Variants in CORO6 observed in about 807,000 individuals in gnomAD.
The protein encoded by CORO6 is coronin 6.
Under a neutral mutation model 49.0 loss-of-function variants are expected in CORO6, and 43 were observed. The ratio of observed to expected loss-of-function variants is 0.88; its 90% CI spans 0.69 to 1.13. The LOEUF is 1.13. CORO6 is among the 50% of genes most tolerant of loss of function. CORO6 has a pLI of 0.00. For synonymous variants in CORO6, 233 were observed against 256.5 expected, an observed-to-expected ratio of 0.91 and a Z score of 0.88; for missense variants, 650 against 647.0, an observed-to-expected ratio of 1.00 and a Z score of -0.05.
In CORO6 at chr17:29,615,567, C is replaced by T. The variant is rs2034816297; in HGVS notation, c.*165G>A. 9.5e-6 allele frequency: 7 copies of T among 737,658 alleles called. No individual in the cohort carries two copies. The highest frequency in any genetic ancestry group is 3.9e-4 in the Middle Eastern group (1 of 2,550). The allele number at this position is 737,658 out of a possible 1,614,324, so 45.7% of individuals were successfully genotyped here. On this transcript the variant is annotated 3_prime_UTR_variant, in exon 11 of 11. Coordinates refer to ENST00000388767, the MANE Select transcript of CORO6 (RefSeq NM_032854.4). ...GCCTCCGCTGGAGCGACGTGGGTCT[C>T]CCCTAAGCTCCAAGAGTTCTGGTCT...
rs372891094 is a variant in CORO6, at chr17:29,616,385, C to G, written c.1005-49G>C. On this transcript the variant is annotated intron_variant, in intron 8 of 10. Transcript: ENST00000388767. The surrounding 1 kb of genome is among the most constrained non-coding windows in gnomAD (Gnocchi z 5.6). ...CCCTCGCAGACTTCCACGTCCTTAA[C>G]TTCTCCTGTCTAAGACCAAGGGGGT... is the stretch of plus-strand genomic sequence containing the variant. 1.3e-6 allele frequency: 2 copies of G among 1,550,200 alleles called. No individual in the cohort carries two copies. Among genetic ancestry groups the G allele is most frequent in the Non-Finnish European group, 1.7e-6 (2 of 1,143,868 alleles).
Position 29,617,560 on chromosome 17 carries a change from G to A in CORO6, c.693C>T (p.Gly231=), listed in dbSNP as rs768467904. Residue 231 remains glycine, a synonymous_variant, in exon 6 of 11, where the codon GGC becomes GGT. Transcript: ENST00000388767. ...GGGTGAAGCCCGTGGTGAAGATATG[G>A]CCCTGGCGCGTGAAGACGGCCCGCA... ...RPMRAVFTRQ[G]HIFTTGFTRM... is the part of the protein sequence containing the mutation. The A allele has an allele frequency of 1.9e-6, 3 of 1,610,248 alleles. No individual in the cohort carries two copies. The highest frequency in any genetic ancestry group is 2.5e-6 in the Non-Finnish European group (3 of 1,179,228).
chr17:29,617,436 G>T (rs2035030937), intron 6 of CORO6, 64 bp downstream of exon 6: 2 of 1,557,270 alleles, frequency 1.3e-6, no homozygotes, highest in Non-Finnish European at 1.7e-6. Flanking sequence ...GGTGGGGGGC[G>T]CCTGGCCACT....
rs753753114 is a variant in CORO6 at position 29,621,497 on chromosome 17, G to C, written c.-63-13C>G. ...TTAGTCCTGTGAGCTGCGGGAGGGA[G>C]GAGGAGTGGAGGGGTGGCTGATGAG... On this transcript the variant is annotated splice_polypyrimidine_tract_variant and intron_variant, in intron 1 of 10. Transcript: ENST00000388767. The surrounding 1 kb of genome is among the most constrained non-coding windows in gnomAD (Gnocchi z 4.2). The C allele has an allele frequency of 3.2e-5, 49 of 1,540,182 alleles. No homozygotes were observed. The highest frequency in any genetic ancestry group is 4.1e-5 in the African/African-American group (3 of 72,886).
intron 3 of CORO6, 82 bp from the exon 4 acceptor site, chr17:29,619,271 C>A: frequency 6.6e-7 from 1 of 1,521,150 alleles, no homozygotes; most frequent in Admixed American, 2.0e-5. Context: ...TTTTTTTTAA[C>A]CCTACTGGCT....
chr17:29,621,178 C>T lies in CORO6; in HGVS notation c.198+46G>A, dbSNP rs774174366. 5.2e-5 allele frequency: 84 copies of T among 1,610,176 alleles called. No homozygotes were observed. The highest frequency in any genetic ancestry group is 1.2e-4 in the Admixed American group (7 of 59,856). ...ACAAAGGCTCAGGAGTTCCCAGGGG[C>T]CCCAGCTAGTGTCCTCCCACTTGCT... On this transcript the variant is annotated intron_variant, in intron 2 of 10. Transcript: ENST00000388767. This position sits in a 1 kb window ranked among gnomAD's most constrained non-coding sequence, Gnocchi z 4.2.
Position 29,616,484 on chromosome 17 carries a change from A to G in CORO6, c.1005-148T>C. Reference sequence around the variant, plus strand: ...CACATTATTGGTTCTGCAATAAAACACCCTGATGGTGTGTTCACCATCATC... The same window carrying G: ...CACATTATTGGTTCTGCAATAAAACGCCCTGATGGTGTGTTCACCATCATC... On this transcript the variant is annotated intron_variant, in intron 8 of 10. Transcript: ENST00000388767. The surrounding 1 kb of genome is among the most constrained non-coding windows in gnomAD (Gnocchi z 5.6). 1.1e-6 allele frequency: 1 copy of G among 908,040 alleles called. No individual in the cohort carries two copies. Among genetic ancestry groups the G allele is most frequent in the Admixed American group, 2.6e-5 (1 of 38,966 alleles). The allele number at this position is 908,040 out of a possible 1,614,324, so 56.2% of individuals were successfully genotyped here.
At chr17:29,618,449 AGAGGAGAGG>A in intron 5 of CORO6, 1 of 1,267,878 alleles carries the variant, frequency 7.9e-7, no homozygotes, top group South Asian at 2.8e-5. Context: ...GTGCCGGCTG[AGAGGAGAGG>A]GGTCCAGGAG....
Position 29,616,929 on chromosome 17 carries a change from C to T in CORO6, c.858+9G>A, listed in dbSNP as rs934303624. The T allele has an allele frequency of 1.1e-5, 17 of 1,613,592 alleles. No individual in the cohort carries two copies. Among genetic ancestry groups the T allele is most frequent in the Non-Finnish European group, 1.4e-5 (17 of 1,179,984 alleles). On this transcript the variant is annotated intron_variant, in intron 7 of 10. Coordinates refer to ENST00000388767, the MANE Select transcript of CORO6 (RefSeq NM_032854.4). This position sits in a 1 kb window ranked among gnomAD's most constrained non-coding sequence, Gnocchi z 5.6. ...CAGTGCCCTGTTCTCCCTGCCCGGC[C>T]GTGAGCACCTTGCCACACAGGTAGA...
intron 2 of CORO6, among the ~76,000 whole-genome samples, chr17:29,620,410 G>C (rs2035248977): frequency 6.6e-6 from 1 of 152,218 alleles, no homozygotes; most frequent in Admixed American, 6.5e-5. Context: ...AGACATATTG[G>C]GGGAGGAGGC....
rs1228082928 is a variant in CORO6 at position 29,622,617 on chromosome 17, G to A, written c.-64+71C>T. On this transcript the variant is annotated intron_variant, in intron 1 of 10. Transcript: ENST00000388767. Reference sequence around the variant, plus strand: ...TGGCGGCGCGGGGGGAGGAGGCGCAGACCTCTGCCCCTCAGGGACCCCGCC... The same window carrying A: ...TGGCGGCGCGGGGGGAGGAGGCGCAAACCTCTGCCCCTCAGGGACCCCGCC... 4.4e-6 allele frequency: 4 copies of A among 909,660 alleles called. No homozygotes were observed. The Admixed American group carries it at 2.1e-4, about 47-fold the overall frequency. The allele number at this position is 909,660 out of a possible 1,614,324, so 56.3% of individuals were successfully genotyped here.
intron 2 of CORO6, among the ~76,000 whole-genome samples, chr17:29,620,989 G>A (rs939454360): frequency 1.3e-5 from 2 of 152,174 alleles, no homozygotes; most frequent in African/African-American, 4.8e-5. Context: ...GCTGGGAATG[G>A]GGTGGTGCAT....
rs1598627335 is a variant in CORO6 at position 29,615,636 on chromosome 17, C to T, written c.*96G>A. On this transcript the variant is annotated 3_prime_UTR_variant, in exon 11 of 11. Transcript: ENST00000388767. ...CCCTCCCCAGTCCCGCCCCCGGGCCCAGCCCAAGAAGGCGGGGTCCGGAGT... is the reference window on the plus strand; with the variant it reads ...CCCTCCCCAGTCCCGCCCCCGGGCCTAGCCCAAGAAGGCGGGGTCCGGAGT... The T allele has an allele frequency of 7.5e-7, 1 of 1,341,594 alleles. No homozygotes were observed. The allele number at this position is 1,341,594 out of a possible 1,614,324, so 83.1% of individuals were successfully genotyped here. A position where few individuals can be genotyped will look rare whatever the true frequency, so the allele number is the denominator to read the frequency against.
At position 29,616,626 on chromosome 17, in the gene CORO6, A is replaced by G; in HGVS notation, c.1004+76T>C. 1 of 1,567,622 alleles carries G rather than the reference A, an allele frequency of 6.4e-7. No homozygotes were observed. Among genetic ancestry groups the G allele is most frequent in the South Asian group, 1.1e-5 (1 of 87,138 alleles). On this transcript the variant is annotated intron_variant, in intron 8 of 10. Coordinates refer to ENST00000388767, the MANE Select transcript of CORO6 (RefSeq NM_032854.4). The surrounding 1 kb of genome is among the most constrained non-coding windows in gnomAD (Gnocchi z 5.6). ...TTTCCAAAGCACTGCATTACTGGGG[A>G]AGCCCCGTGGCTAGGACCCGACATG...
rs1410083133 is a variant in CORO6 at position 29,615,077 on chromosome 17, ACTC to A, written c.*652_*654del. The A allele has an allele frequency of 2.0e-5, 3 of 151,812 alleles. No individual in the cohort carries two copies. Among genetic ancestry groups the A allele is most frequent in the African/African-American group, 7.3e-5 (3 of 41,304 alleles). 9.4% of individuals were successfully genotyped at this position (151,812 alleles called of 1,614,324 possible). ...TGTGTGTGTATTTGTGATGAACCTAACTCCTCATGCCAGTTCTCTCGAGATTTC... is the reference window on the plus strand; with the variant it reads ...TGTGTGTGTATTTGTGATGAACCTAACTCATGCCAGTTCTCTCGAGATTTC... On this transcript the variant is annotated 3_prime_UTR_variant, in exon 11 of 11. Coordinates refer to ENST00000388767, the MANE Select transcript of CORO6 (RefSeq NM_032854.4).
chr17:29,615,446 C>T lies in CORO6; in HGVS notation c.*286G>A, dbSNP rs2034809992. On this transcript the variant is annotated 3_prime_UTR_variant, in exon 11 of 11. Coordinates refer to ENST00000388767, the MANE Select transcript of CORO6 (RefSeq NM_032854.4). ...CCTGGGCGGAGGACAAAGGGGGACA[C>T]CACCTCGCCGTGCAGCACCATTGCT... 1 of 374,288 alleles carries T rather than the reference C, an allele frequency of 2.7e-6. No homozygotes were observed. The highest frequency in any genetic ancestry group is 4.8e-6 in the Non-Finnish European group (1 of 207,782). 23.2% of individuals were successfully genotyped at this position (374,288 alleles called of 1,614,324 possible).
chr17:29,619,974 A>G (rs149253472), intron 2 of CORO6, among the ~76,000 whole-genome samples: 181 of 152,344 alleles, frequency 1.2e-3, no homozygotes, highest in African/African-American at 4.3e-3. Context: ...GGACTGTGAC[A>G]CAGAGAGGTA....
In CORO6 at chr17:29,616,973, C is replaced by T; in HGVS notation, c.823G>A (p.Asp275Asn). 6.2e-7 allele frequency: 1 copy of T among 1,613,776 alleles called. No homozygotes were observed. The highest frequency in any genetic ancestry group is 8.5e-7 in the Non-Finnish European group (1 of 1,180,022). Residue 275 changes from aspartate (D) to asparagine (N), a missense_variant, in exon 7 of 11, where the codon GAT becomes AAT. Physicochemically the swap from Asp to Asn is conservative, Grantham distance 23. Coordinates refer to ENST00000388767, the MANE Select transcript of CORO6 (RefSeq NM_032854.4). The surrounding 1 kb of genome is among the most constrained non-coding windows in gnomAD (Gnocchi z 5.6). Reference sequence around the variant, plus strand: ...AGGTAGACGATGCTGGAGTCGGGATCGTAAAAGGGCAATAGGACCCCGTTG... The same window carrying T: ...AGGTAGACGATGCTGGAGTCGGGATTGTAAAAGGGCAATAGGACCCCGTTG... The part of the protein sequence containing the change: ...TSNGVLLPFY[D>N]PDSSIVYLCG...
Position 29,617,020 on chromosome 17 carries a change from G to T in CORO6, c.776C>A (p.Ala259Glu). ...GTTGCTTGTGTCCATCTCCTGCAGT[G>T]CCACTGGCTCCTCGAAGTTGTTCTG... ...WDPNNFEEPV[A>E]LQEMDTSNGV... Residue 259 changes from alanine (A) to glutamate (E), a missense_variant, in exon 7 of 11, where the codon GCA becomes GAA. Coordinates refer to ENST00000388767, the MANE Select transcript of CORO6 (RefSeq NM_032854.4). 6.2e-7 allele frequency: 1 copy of T among 1,613,630 alleles called. No homozygotes were observed. The highest frequency in any genetic ancestry group is 8.5e-7 in the Non-Finnish European group (1 of 1,180,014).
Sources: gnomAD v4.1 joint callset for allele counts (sites outside exome capture counted in the v4.1 genomes callset) on GRCh38, gnomAD v4.1.1 for gene constraint, Gnocchi (gnomAD v3.1) non-coding constraint, MANE v1.5 for transcripts, NCBI Gene and HGNC (gene_info 2026-07-23, HGNC 2026-07-21) for gene names.